RFX1: variants seen among roughly 807,000 people sequenced by gnomAD.
RFX1 encodes MHC class II regulatory factor RFX1.
Under a neutral mutation model 119.6 loss-of-function variants are expected in RFX1, and 42 were observed. The ratio of observed to expected loss-of-function variants is 0.35; its 90% CI spans 0.27 to 0.45. The LOEUF is 0.45. RFX1 is among the 20% of genes least tolerant of loss of function. The pLI is 1.00. For missense variants in RFX1, 1,118 were observed against 1,368.1 expected (o/e 0.82, Z 2.88); for synonymous variants, 628 against 618.5 (o/e 1.02, Z -0.23).
At chr19:13,996,342 G>A (rs1457791553) in intron 1 of RFX1, among the ~76,000 whole-genome samples, 1 of 152,224 alleles carries the variant, frequency 6.6e-6, no homozygotes, top group Non-Finnish European at 1.5e-5. Flanking sequence ...CCATGACTCC[G>A]GGCAGTACTG....
At chr19:13,974,305 G>A (rs547286962) in intron 8 of RFX1, among the ~76,000 whole-genome samples, 2 of 152,316 alleles carry the variant, frequency 1.3e-5, no homozygotes, top group South Asian at 4.1e-4. Flanking sequence ...TGTTTCCCCT[G>A]AGCCAAGCTA....
At position 13,962,553 on chromosome 19, in the gene RFX1, G is replaced by A. The variant is rs370061444; in HGVS notation, c.*142C>T. ...CTGATTGTGCCGGCCCCATAAGGGA[G>A]GAGGGCCCCGGTCTTCCCTGTCTCG... On this transcript the variant is annotated 3_prime_UTR_variant, in exon 21 of 21. Transcript: ENST00000254325. The A allele has an allele frequency of 6.3e-4, 417 of 665,618 alleles. 3 individuals are homozygous for A. In the East Asian group the frequency reaches 0.011, roughly 17 times the overall value. The allele number at this position is 665,618 out of a possible 1,614,324, so 41.2% of individuals were successfully genotyped here. A position where few individuals can be genotyped will look rare whatever the true frequency, so the allele number is the denominator to read the frequency against.
chr19:13,998,539 C>T (rs2145636537), intron 1 of RFX1, among the ~76,000 whole-genome samples: 1 of 152,100 alleles, frequency 6.6e-6, no homozygotes, highest in South Asian at 2.1e-4. Flanking sequence ...CCAATAAACA[C>T]TGATAAGTGG....
chr19:13,981,176 G>A (rs1194882822), intron 5 of RFX1, among the ~76,000 whole-genome samples: 3 of 152,250 alleles, frequency 2.0e-5, no homozygotes, highest in Admixed American at 2.0e-4. Context: ...CTGAGCCCAG[G>A]CAGGCTGGCC....
At chr19:13,976,250 C>T (rs1170014654) in intron 8 of RFX1, among the ~76,000 whole-genome samples, 3 of 152,220 alleles carry the variant, frequency 2.0e-5, no homozygotes, top group Admixed American at 2.0e-4. Flanking sequence ...AGGACTAAGT[C>T]GATCCATGAG....
rs1469617012 is a variant in RFX1, at chr19:13,962,727, C to G, written c.2908G>C (p.Gly970Arg). ...GAGGGCAGCGCCTGCACGAAGAGGC[C>G]GCGCGCGTCAGTCCGCGCCAGCTTG... ...PAKLARTDARGLFVQALPSS is the reference protein window; with the variant it reads ...PAKLARTDARRLFVQALPSS The change falls in exon 21 of 21, where the codon GGC becomes CGC. Residue 970 changes from glycine to arginine, a missense_variant. This residue lies in a region of RFX1 where 138 missense variants were observed against 117.8 expected (regional missense o/e 1.17). Transcript: ENST00000254325. 10 of 1,529,908 alleles carry G rather than the reference C, an allele frequency of 6.5e-6. No homozygotes were observed. Among genetic ancestry groups the G allele is most frequent in the Non-Finnish European group, 6.1e-6 (7 of 1,143,896 alleles). 94.8% of individuals were successfully genotyped at this position (1,529,908 alleles called of 1,614,324 possible).
chr19:13,968,230 G>C lies in RFX1; in HGVS notation c.1732+335C>G, dbSNP rs111289768. On this transcript the variant is annotated intron_variant, in intron 12 of 20. Transcript: ENST00000254325. This position sits in a 1 kb window ranked among gnomAD's most constrained non-coding sequence, Gnocchi z 5.5. ...GATGGTGCCACTGCACTCCAGCCTG[G>C]ACGACAGAGAATCTATCTCAAAAAA... is the stretch of plus-strand genomic sequence containing the variant. Among the ~76,000 whole-genome samples the C allele has an allele frequency of 0.021, 3,237 of 152,196 alleles. 110 individuals are homozygous for C. The highest frequency in any genetic ancestry group is 0.073 in the African/African-American group (3,049 of 41,512).
chr19:14,006,310 C>G lies in RFX1; in HGVS notation c.-260G>C, dbSNP rs1390193995. 6.6e-6 allele frequency: 1 copy of G among 152,076 alleles called. No homozygotes were observed. Among genetic ancestry groups the G allele is most frequent in the African/African-American group, 2.4e-5 (1 of 41,408 alleles). 9.4% of individuals were successfully genotyped at this position (152,076 alleles called of 1,614,324 possible). A position where few individuals can be genotyped will look rare whatever the true frequency, so the allele number is the denominator to read the frequency against. On this transcript the variant is annotated 5_prime_UTR_variant, in exon 1 of 21. Coordinates refer to ENST00000254325, the MANE Select transcript of RFX1 (RefSeq NM_002918.5). ...GGCTATGGCGCCTCCGTTTCCCTCA[C>G]CGGGGCAACTGTTGCTACCCACCCT...
intron 1 of RFX1, among the ~76,000 whole-genome samples, chr19:13,995,891 GGTGGCGC>G (rs1280551462): frequency 3.3e-5 from 5 of 151,328 alleles, no homozygotes; most frequent in Non-Finnish European, 7.4e-5. Context: ...AAACGGGAGT[GGTGGCGC>G]GCACCTGTAA....
Position 13,962,670 on chromosome 19 carries a change from C to CGGGGGG in RFX1, c.*24_*25insCCCCCC. Reference sequence around the variant, plus strand: ...CCCTGGCGTGGAGGGGTGGCGGGGGCGGGTGGGGCGGGGAGGCCAAGGGCT... The same window carrying CGGGGGG: ...CCCTGGCGTGGAGGGGTGGCGGGGGCGGGGGGGGGTGGGGCGGGGAGGCCAAGGGCT... On this transcript the variant is annotated 3_prime_UTR_variant, in exon 21 of 21. Coordinates refer to ENST00000254325, the MANE Select transcript of RFX1 (RefSeq NM_002918.5). 2.7e-6 allele frequency: 1 copy of CGGGGGG among 368,550 alleles called. No individual in the cohort carries two copies. The highest frequency in any genetic ancestry group is 3.1e-6 in the Non-Finnish European group (1 of 323,612). 22.8% of individuals were successfully genotyped at this position (368,550 alleles called of 1,614,324 possible). A position where few individuals can be genotyped will look rare whatever the true frequency, so the allele number is the denominator to read the frequency against.
chr19:13,964,143 G>C (rs1599471398), intron 16 of RFX1, 136 bp from the exon 17 acceptor site: 1 of 977,666 alleles, frequency 1.0e-6, no homozygotes, highest in East Asian at 2.7e-5. Flanking sequence ...TACTTTTGTT[G>C]GGACACAGAA....
intron 7 of RFX1, among the ~76,000 whole-genome samples, chr19:13,979,164 G>A (rs932927357): frequency 3.3e-5 from 5 of 152,172 alleles, no homozygotes; most frequent in African/African-American, 1.2e-4. Context: ...GTTGCTGAGC[G>A]CGCACGCAGC....
chr19:13,968,008 C>A lies in RFX1; in HGVS notation c.1732+557G>T, dbSNP rs60965650. On this transcript the variant is annotated intron_variant, in intron 12 of 20. Transcript: ENST00000254325. The surrounding 1 kb of genome is among the most constrained non-coding windows in gnomAD (Gnocchi z 5.5). Reference sequence around the variant, plus strand: ...GTGGCTCATGCCTGTAATCCCAGAACTTTGGGAGGCCAAGGTGGGAGGATC... The same window carrying A: ...GTGGCTCATGCCTGTAATCCCAGAAATTTGGGAGGCCAAGGTGGGAGGATC... 0.037 allele frequency among the ~76,000 whole-genome samples: 5,653 copies of A among 152,152 alleles called. 341 individuals are homozygous for A. Among genetic ancestry groups the A allele is most frequent in the African/African-American group, 0.13 (5,387 of 41,492 alleles).
chr19:13,979,993 G>T (rs566891227), intron 6 of RFX1, among the ~76,000 whole-genome samples: 16 of 152,106 alleles, frequency 1.1e-4, no homozygotes, highest in Admixed American at 2.0e-4. Context: ...TGGAGGTTCG[G>T]GGGGGCTCTA....
chr19:13,962,870 A>G lies in RFX1; in HGVS notation c.2771-6T>C. 1 of 1,532,134 alleles carries G rather than the reference A, an allele frequency of 6.5e-7. No individual in the cohort carries two copies. The allele number at this position is 1,532,134 out of a possible 1,614,324, so 94.9% of individuals were successfully genotyped here. On this transcript the variant is annotated splice_region_variant and splice_polypyrimidine_tract_variant and intron_variant, in intron 20 of 20. Coordinates refer to ENST00000254325, the MANE Select transcript of RFX1 (RefSeq NM_002918.5). Reference sequence around the variant, plus strand: ...CTCCTCTTCTTCCTCCTCGTCTGGAACACAGGGACCAAGTCCGGCTCGGGG... The same window carrying G: ...CTCCTCTTCTTCCTCCTCGTCTGGAGCACAGGGACCAAGTCCGGCTCGGGG...
chr19:13,980,842 G>A lies in RFX1; in HGVS notation c.622-153C>T, dbSNP rs1421359873. On this transcript the variant is annotated intron_variant, in intron 5 of 20. Coordinates refer to ENST00000254325, the MANE Select transcript of RFX1 (RefSeq NM_002918.5). This position sits in a 1 kb window ranked among gnomAD's most constrained non-coding sequence, Gnocchi z 5.1. ...ACCACCGAGGCTGGTAACTGACCGC[G>A]TCCCACGCATCCAAATGCCTACTCC... Among the ~76,000 whole-genome samples the A allele has an allele frequency of 1.3e-5, 2 of 151,780 alleles. No individual in the cohort carries two copies. Among genetic ancestry groups the A allele is most frequent in the East Asian group, 1.9e-4 (1 of 5,174 alleles).
rs766538930 is a variant in RFX1, at chr19:13,965,444, C to G, written c.2211+5G>C. 1 of 1,613,140 alleles carries G rather than the reference C, an allele frequency of 6.2e-7. No individual in the cohort carries two copies. Among genetic ancestry groups the G allele is most frequent in the Non-Finnish European group, 8.5e-7 (1 of 1,179,270 alleles). On this transcript the variant is annotated splice_donor_5th_base_variant and intron_variant, in intron 16 of 20. Transcript: ENST00000254325. This position sits in a 1 kb window ranked among gnomAD's most constrained non-coding sequence, Gnocchi z 4.7. The stretch of plus-strand genomic sequence containing the variant: ...TAGGAGAAAGGGACCCCCTCACACT[C>G]TCACCTTCACCCGCAGCATCTCCTC...
chr19:13,991,309 T>G (rs571278889), intron 2 of RFX1, among the ~76,000 whole-genome samples: 1 of 152,112 alleles, frequency 6.6e-6, no homozygotes, highest in Non-Finnish European at 1.5e-5. Context: ...GAGAATGGGT[T>G]TCTTGGAGCA....
At chr19:14,004,554 C>G (rs1975312468) in intron 1 of RFX1, among the ~76,000 whole-genome samples, 1 of 151,998 alleles carries the variant, frequency 6.6e-6, no homozygotes, top group Non-Finnish European at 1.5e-5. Flanking sequence ...GCATTTCTAG[C>G]TTTTTTGTTT....
Sources: allele counts gnomAD v4.1 joint callset (sites outside exome capture counted in the v4.1 genomes callset), GRCh38; gene constraint gnomAD v4.1.1; regional missense constraint gnomAD v4.1.1; non-coding constraint Gnocchi (gnomAD v3.1); transcripts MANE v1.5; gene names NCBI Gene and HGNC (gene_info 2026-07-23, HGNC 2026-07-21).